KIAA1217: variants seen among roughly 807,000 people sequenced by gnomAD.
KIAA1217 encodes the protein KIAA1217, also known as sickle tail protein homolog.
In KIAA1217, 88 loss-of-function variants were observed where a neutral mutation model predicts 163.9. That is an observed-to-expected ratio of 0.54 (90% CI 0.45 to 0.64). The LOEUF (loss-of-function observed/expected upper bound fraction) is 0.64. KIAA1217 is among the 30% of genes least tolerant of loss of function. The pLI, the probability that KIAA1217 is intolerant of heterozygous loss-of-function variation, is 0.00. For synonymous variants in KIAA1217, 903 were observed against 923.1 expected (o/e 0.98, Z 0.39); for missense variants, 2,372 against 2,475.0 (o/e 0.96, Z 0.88).
At chr10:24,390,383 A>C (rs1043128949) in intron 3 of KIAA1217, among the ~76,000 whole-genome samples, 1 of 151,842 alleles carries the variant, frequency 6.6e-6, no homozygotes, top group Non-Finnish European at 1.5e-5. Flanking sequence ...GCTGATGCTA[A>C]ACTGGTAAAA....
At chr10:24,024,079 T>C (rs1355601514) in intron 2 of KIAA1217, among the ~76,000 whole-genome samples, 1 of 151,644 alleles carries the variant, frequency 6.6e-6, no homozygotes, top group African/African-American at 2.4e-5. Context: ...AACCTCAATT[T>C]ATTGTTTTTT....
At chr10:23,934,680 C>T (rs1310414748) in intron 1 of KIAA1217, among the ~76,000 whole-genome samples, 7 of 143,072 alleles carry the variant, frequency 4.9e-5, no homozygotes, top group African/African-American at 1.9e-4. Flanking sequence ...TGCAGTGGCA[C>T]AATTTCGGCT....
chr10:24,327,911 C>T lies in KIAA1217; in HGVS notation c.355-52958C>T, dbSNP rs569829177. Among the ~76,000 whole-genome samples the T allele has an allele frequency of 6.6e-5, 10 of 152,310 alleles. No homozygotes were observed. The East Asian group carries it at 1.7e-3, about 26-fold the overall frequency. On this transcript the variant is annotated intron_variant, in intron 2 of 20. Coordinates refer to ENST00000376454, the MANE Select transcript of KIAA1217 (RefSeq NM_019590.5). ...GAGCATTATCATTAACCCATTTTCT[C>T]CAGGCCCGGGATTCTGGGTCTGATG...
intron 1 of KIAA1217, among the ~76,000 whole-genome samples, chr10:23,867,335 G>T (rs1169910061): frequency 6.6e-6 from 1 of 151,642 alleles, no homozygotes; most frequent in Non-Finnish European, 1.5e-5. Flanking sequence ...CTTTATAGCA[G>T]CATGATTTAT....
intron 1 of KIAA1217, 97 bp downstream of exon 1, chr10:24,209,360 GAAAA>G: frequency 8.2e-5 from 48 of 584,230 alleles, no homozygotes; most frequent in East Asian, 1.0e-4. Context: ...CCCGGCAAAG[GAAAA>G]AAAAAAAAAA....
At chr10:24,391,148 G>T (rs968965750) in intron 3 of KIAA1217, among the ~76,000 whole-genome samples, 64 of 151,970 alleles carry the variant, frequency 4.2e-4, no homozygotes, top group African/African-American at 1.5e-3. Flanking sequence ...CTTTGCAGAT[G>T]GGACATAGGT....
intron 10 of KIAA1217, among the ~76,000 whole-genome samples, chr10:24,515,613 A>T (rs2134351788): frequency 6.6e-6 from 1 of 152,300 alleles, no homozygotes; most frequent in Admixed American, 6.5e-5. Context: ...AGCAAAGGCA[A>T]CCTGATAAAT....
At chr10:23,796,767 G>A (rs961334461) in intron 1 of KIAA1217, among the ~76,000 whole-genome samples, 3 of 152,034 alleles carry the variant, frequency 2.0e-5, no homozygotes, top group Middle Eastern at 6.3e-3. Flanking sequence ...TACCCACTAG[G>A]ACCTTACACA....
At chr10:24,056,357 G>A (rs1284418368) in intron 2 of KIAA1217, among the ~76,000 whole-genome samples, 1 of 152,066 alleles carries the variant, frequency 6.6e-6, no homozygotes, top group African/African-American at 2.4e-5. Flanking sequence ...AACAAAGCCA[G>A]TGTTGACACC....
chr10:24,021,110 A>T lies in KIAA1217; in HGVS notation c.-171+13736A>T, dbSNP rs80231505. 1.1e-3 allele frequency among the ~76,000 whole-genome samples: 174 copies of T among 152,114 alleles called. 2 individuals carry two copies. In the East Asian group the frequency reaches 0.029, roughly 25 times the overall value. On this transcript the variant is annotated intron_variant, in intron 2 of 18. Coordinates refer to the KIAA1217 transcript ENST00000376462. ...AAGAAATGTATAAAGAATTAAAGGA[A>T]CATATGACTAGTAACAGCACAAGAG...
intron 5 of KIAA1217, among the ~76,000 whole-genome samples, chr10:24,439,248 AT>A (rs2060295585): frequency 6.6e-6 from 1 of 152,168 alleles, no homozygotes; most frequent in South Asian, 2.1e-4. Context: ...TAAAAAGAAG[AT>A]TAGCTTCTCA....
At position 24,545,056 on chromosome 10, in the gene KIAA1217, A is replaced by G. The variant is rs781314417; in HGVS notation, c.5287A>G (p.Lys1763Glu). Reference protein sequence around the residue: ...SAKNRPGTLDKPGKQSKLQDP... With the variant: ...SAKNRPGTLDEPGKQSKLQDP... ...CAAGAACAGACCCGGAACCCTGGACAAACCCGGCAAGCAGTCCAAACTGCA... is the reference window on the plus strand; with the variant it reads ...CAAGAACAGACCCGGAACCCTGGACGAACCCGGCAAGCAGTCCAAACTGCA... Residue 1763 changes from lysine (K) to glutamate (E), a missense_variant, in exon 20 of 21, where the codon AAA becomes GAA. Lys to Glu is a moderately conservative substitution (Grantham distance 56). This residue lies in a region of KIAA1217 where 690 missense variants were observed against 677.5 expected (regional missense o/e 1.02). Coordinates refer to ENST00000376454, the MANE Select transcript of KIAA1217 (RefSeq NM_019590.5). The G allele has an allele frequency of 3.7e-6, 6 of 1,614,090 alleles. No individual in the cohort carries two copies. Among genetic ancestry groups the G allele is most frequent in the Non-Finnish European group, 5.1e-6 (6 of 1,180,032 alleles).
intron 5 of KIAA1217, among the ~76,000 whole-genome samples, chr10:24,457,157 G>C (rs1276538028): frequency 6.6e-6 from 1 of 152,086 alleles, no homozygotes; most frequent in Non-Finnish European, 1.5e-5. Context: ...TCCTCTCTGG[G>C]AGAAGTGTTG....
At chr10:24,159,760 G>A (rs1049010969) in intron 2 of KIAA1217, among the ~76,000 whole-genome samples, 3 of 152,074 alleles carry the variant, frequency 2.0e-5, no homozygotes, top group African/African-American at 7.2e-5. Flanking sequence ...TCCAGCCTGG[G>A]CGACAGAGCT....
rs1889875 is a variant in KIAA1217 at position 24,373,473 on chromosome 10, C to A, written c.355-7396C>A. ...GTAGCATGGGGATACCATTAACAACCCTTCCCTGTGGGAAGACCTTGGAAC... is the reference window on the plus strand; with the variant it reads ...GTAGCATGGGGATACCATTAACAACACTTCCCTGTGGGAAGACCTTGGAAC... On this transcript the variant is annotated intron_variant, in intron 2 of 20. Coordinates refer to ENST00000376454, the MANE Select transcript of KIAA1217 (RefSeq NM_019590.5). Among the ~76,000 whole-genome samples, 960 of 152,172 alleles carry A rather than the reference C, an allele frequency of 6.3e-3. 10 individuals carry two copies. Among genetic ancestry groups the A allele is most frequent in the African/African-American group, 0.022 (906 of 41,508 alleles).
upstream of KIAA1217, among the ~76,000 whole-genome samples, chr10:24,204,416 G>A (rs1360213735): frequency 6.6e-6 from 1 of 152,036 alleles, no homozygotes; most frequent in African/African-American, 2.4e-5. Context: ...TTGTTAGTGG[G>A]GCTTGTAATA....
chr10:24,342,432 A>G (rs1435362897), intron 2 of KIAA1217, among the ~76,000 whole-genome samples: 1 of 152,180 alleles, frequency 6.6e-6, no homozygotes, highest in African/African-American at 2.4e-5. Flanking sequence ...AAAAGCTTCT[A>G]CCTTCAATTC....
intron 2 of KIAA1217, among the ~76,000 whole-genome samples, chr10:24,239,822 A>T (rs1047060782): frequency 2.0e-5 from 3 of 151,970 alleles, no homozygotes; most frequent in Admixed American, 1.3e-4. Context: ...TGCAGAAATA[A>T]TCTTTGAATC....
At chr10:23,994,786 A>T (rs1178636498) in intron 1 of KIAA1217, among the ~76,000 whole-genome samples, 1 of 152,182 alleles carries the variant, frequency 6.6e-6, no homozygotes, top group Non-Finnish European at 1.5e-5. Flanking sequence ...AAACTTTAAA[A>T]CTGTAGAAAC....
Sources: allele counts gnomAD v4.1 joint callset (sites outside exome capture counted in the v4.1 genomes callset), GRCh38; gene constraint gnomAD v4.1.1; regional missense constraint gnomAD v4.1.1; transcripts MANE v1.5; gene names NCBI Gene and HGNC (gene_info 2026-07-23, HGNC 2026-07-21).